The following SRRM4 variants were observed in gnomAD, a reference collection of about 807,000 sequenced individuals.
The protein encoded by SRRM4 is serine/arginine repetitive matrix 4, also known as serine/arginine repetitive matrix protein 4.
A neutral mutation model predicts 68.9 loss-of-function variants in SRRM4; 33 were observed. The ratio of observed to expected loss-of-function variants is 0.48; its 90% CI spans 0.36 to 0.64. SRRM4 has a LOEUF of 0.64. Ranked by LOEUF, SRRM4 falls within the 30% of genes least tolerant of loss-of-function variation. SRRM4 has a pLI of 0.00. For synonymous variants in SRRM4, 318 were observed against 318.8 expected (o/e 1.00, Z 0.03); for missense variants, 817 against 827.1 (o/e 0.99, Z 0.15).
At chr12:119,034,280 G>C (rs763235770) in intron 1 of SRRM4, among the ~76,000 whole-genome samples, 2 of 152,182 alleles carry the variant, frequency 1.3e-5, no homozygotes, top group Non-Finnish European at 2.9e-5. Flanking sequence ...GCCCCAGGAA[G>C]GGGACATGGC....
intron 6 of SRRM4, among the ~76,000 whole-genome samples, chr12:119,122,540 A>G (rs1281719199): frequency 6.6e-6 from 1 of 152,082 alleles, no homozygotes; most frequent in Non-Finnish European, 1.5e-5. Flanking sequence ...TATCTAGTGC[A>G]TGCATTGTAG....
intron 2 of SRRM4, 36 bp from the exon 3 acceptor site, chr12:119,114,242 T>C (rs759653073): frequency 1.3e-6 from 2 of 1,580,292 alleles, no homozygotes; most frequent in Admixed American, 3.4e-5. Context: ...TGGGGAACCA[T>C]GAGTTATCTA....
At chr12:119,097,539 G>T (rs1378903650) in intron 1 of SRRM4, among the ~76,000 whole-genome samples, 2 of 152,126 alleles carry the variant, frequency 1.3e-5, no homozygotes, top group Non-Finnish European at 2.9e-5. Flanking sequence ...TATTTCTGTT[G>T]GTTTTATTGC....
Position 119,120,330 on chromosome 12 carries a change from T to C in SRRM4, c.464+54T>C. 6 of 1,545,498 alleles carry C rather than the reference T, an allele frequency of 3.9e-6. No individual in the cohort carries two copies. In the South Asian group the frequency reaches 4.8e-5, roughly 12 times the overall value. ...TCAATTTTCTGCTTTCTCAGCCAGC[T>C]TGGGGCAGCTTCTAGGTCAGCCCTC... On this transcript the variant is annotated intron_variant, in intron 5 of 12. Transcript: ENST00000267260.
Position 118,982,004 on chromosome 12 carries a change from C to G in SRRM4, c.122C>G (p.Pro41Arg), listed in dbSNP as rs1185857195. 1.9e-6 allele frequency: 3 copies of G among 1,610,078 alleles called. No homozygotes were observed. Among genetic ancestry groups the G allele is most frequent in the Non-Finnish European group, 2.5e-6 (3 of 1,178,350 alleles). ...IIVASITARK[P>R]LPRTEPQNNP... Reference sequence around the variant, plus strand: ...GTCGCCAGTATCACGGCCCGCAAGCCGCTGCCAAGGTAATGATCTCCTTCT... The same window carrying G: ...GTCGCCAGTATCACGGCCCGCAAGCGGCTGCCAAGGTAATGATCTCCTTCT... Residue 41 changes from proline to arginine, a missense_variant, in exon 1 of 13, where the codon CCG becomes CGG. Pro to Arg is a moderately radical substitution (Grantham distance 103). Coordinates refer to ENST00000267260, the MANE Select transcript of SRRM4 (RefSeq NM_194286.4).
chr12:119,040,914 T>C (rs906684441), intron 1 of SRRM4, among the ~76,000 whole-genome samples: 1 of 148,654 alleles, frequency 6.7e-6, no homozygotes, highest in Non-Finnish European at 1.5e-5. Context: ...AATGCTCGGC[T>C]AATTTTTGTA....
intron 1 of SRRM4, among the ~76,000 whole-genome samples, chr12:119,094,805 C>T (rs900244431): frequency 2.6e-5 from 4 of 152,216 alleles, no homozygotes; most frequent in African/African-American, 9.6e-5. Flanking sequence ...TCTGTCTCCC[C>T]TTCCAGGGTG....
chr12:119,152,035 T>C (rs552953194), intron 10 of SRRM4, among the ~76,000 whole-genome samples: 1 of 152,296 alleles, frequency 6.6e-6, no homozygotes, highest in African/African-American at 2.4e-5. Context: ...TCAATAGCTA[T>C]TGGTAATCGC....
intron 1 of SRRM4, among the ~76,000 whole-genome samples, chr12:119,019,952 C>CG (rs1555214245): frequency 2.8e-5 from 2 of 72,322 alleles, no homozygotes; most frequent in African/African-American, 4.5e-5. Context: ...CCCCCGCTCC[C>CG]CCCCCCCCCA....
intron 1 of SRRM4, among the ~76,000 whole-genome samples, chr12:119,034,159 G>A (rs1396921920): frequency 6.6e-6 from 1 of 152,208 alleles, no homozygotes; most frequent in African/African-American, 2.4e-5. Flanking sequence ...AGGTCTCAGT[G>A]GAGGCCTCAG....
At chr12:119,119,053 T>TC (rs1469881260) in intron 4 of SRRM4, among the ~76,000 whole-genome samples, 3 of 150,160 alleles carry the variant, frequency 2.0e-5, no homozygotes, top group Non-Finnish European at 4.4e-5. Flanking sequence ...CACTGAGATT[T>TC]TTTTTTTTTT....
intron 1 of SRRM4, among the ~76,000 whole-genome samples, chr12:119,011,854 G>C (rs1300432366): frequency 6.6e-6 from 1 of 152,134 alleles, no homozygotes; most frequent in African/African-American, 2.4e-5. Flanking sequence ...GGAAGACCTG[G>C]TTGCCAATCT....
At chr12:119,015,963 C>A (rs143471934) in intron 1 of SRRM4, among the ~76,000 whole-genome samples, 17 of 151,966 alleles carry the variant, frequency 1.1e-4, no homozygotes, top group Admixed American at 2.0e-4. Context: ...CCTTTGAATG[C>A]GATCTTATTT....
intron 1 of SRRM4, among the ~76,000 whole-genome samples, chr12:119,030,449 T>C (rs1953581404): frequency 6.6e-6 from 1 of 152,168 alleles, no homozygotes; most frequent in South Asian, 2.1e-4. Flanking sequence ...AGTTCTGGCT[T>C]AGGAATTTAT....
Position 119,024,718 on chromosome 12 carries a change from CAG to C in SRRM4, c.131+42706_131+42707del, listed in dbSNP as rs567212678. Reference sequence around the variant, plus strand: ...TAAACCCAAGGATGGCCAGGCTAGCCAGGCCTCTTAAGCTTGATCTTAGTGCC... The same window carrying C: ...TAAACCCAAGGATGGCCAGGCTAGCCGCCTCTTAAGCTTGATCTTAGTGCC... On this transcript the variant is annotated intron_variant, in intron 1 of 12. Coordinates refer to ENST00000267260, the MANE Select transcript of SRRM4 (RefSeq NM_194286.4). 1.8e-3 allele frequency among the ~76,000 whole-genome samples: 272 copies of C among 152,332 alleles called. 3 individuals are homozygous for C. Among genetic ancestry groups the C allele is most frequent in the East Asian group, 2.7e-3 (14 of 5,182 alleles).
chr12:119,139,764 T>C (rs1954353187), intron 8 of SRRM4, among the ~76,000 whole-genome samples: 1 of 152,186 alleles, frequency 6.6e-6, no homozygotes, highest in Non-Finnish European at 1.5e-5. Context: ...AAGCTCTGAA[T>C]ACAGATGCAG....
intron 1 of SRRM4, among the ~76,000 whole-genome samples, chr12:119,021,111 G>A (rs1953513602): frequency 6.6e-6 from 1 of 152,194 alleles, no homozygotes; most frequent in Non-Finnish European, 1.5e-5. Context: ...AAGGAGGTGA[G>A]AGAATCACTG....
intron 9 of SRRM4, among the ~76,000 whole-genome samples, chr12:119,150,289 T>C (rs1238733489): frequency 6.6e-6 from 1 of 152,092 alleles, no homozygotes; most frequent in East Asian, 1.9e-4. Flanking sequence ...CTGGCCAACA[T>C]AGTGAAACCC....
At chr12:119,103,666 G>A (rs11610080) in intron 2 of SRRM4, among the ~76,000 whole-genome samples, 11,733 of 152,234 alleles carry the variant, frequency 0.077, 505 homozygotes, top group Admixed American at 0.1. Context: ...GATAGGCAGA[G>A]GGAGATAAAG....
Sources: allele counts gnomAD v4.1 joint callset (sites outside exome capture counted in the v4.1 genomes callset), GRCh38; gene constraint gnomAD v4.1.1; transcripts MANE v1.5; gene names NCBI Gene and HGNC (gene_info 2026-07-23, HGNC 2026-07-21).